Variants in EYA4 observed in about 807,000 individuals in gnomAD.
The protein encoded by EYA4 is EYA transcriptional coactivator and phosphatase 4.
A neutral mutation model predicts 87.9 loss-of-function variants in EYA4; 31 were observed. The observed-to-expected ratio is 0.35, with a 90% confidence interval of 0.27 to 0.48. The LOEUF (loss-of-function observed/expected upper bound fraction) is 0.48. Ranked by LOEUF, EYA4 falls within the 20% of genes least tolerant of loss-of-function variation. The pLI, the probability that EYA4 is intolerant of heterozygous loss-of-function variation, is 0.99. For missense variants in EYA4, 678 were observed against 761.4 expected (o/e 0.89, Z 1.29); for synonymous variants, 263 against 270.6 (o/e 0.97, Z 0.28).
intron 2 of EYA4, among the ~76,000 whole-genome samples, chr6:133,326,816 C>T (rs565360782): frequency 1.3e-5 from 2 of 152,244 alleles, no homozygotes; most frequent in African/African-American, 2.4e-5. Context: ...CTTTAAGTAC[C>T]GGTGACGTCG....
At chr6:133,434,457 G>A (rs12664324) in intron 3 of EYA4, among the ~76,000 whole-genome samples, 9,020 of 152,216 alleles carry the variant, frequency 0.059, 470 homozygotes, top group East Asian at 0.23. Flanking sequence ...TGCACTGTAG[G>A]CCAACCTTTG....
At chr6:133,504,879 A>G (rs1798456162) in intron 13 of EYA4, among the ~76,000 whole-genome samples, 2 of 152,162 alleles carry the variant, frequency 1.3e-5, no homozygotes, top group East Asian at 3.9e-4. Flanking sequence ...TTGAAATGCC[A>G]ACTATTAGAA....
At chr6:133,500,203 C>T (rs1003222202) in intron 13 of EYA4, among the ~76,000 whole-genome samples, 2 of 151,840 alleles carry the variant, frequency 1.3e-5, no homozygotes, top group African/African-American at 2.4e-5. Flanking sequence ...ATGACTGATG[C>T]GTGGACCCAC....
At chr6:133,439,523 G>A (rs1223671204) in intron 3 of EYA4, 1 of 152,210 alleles carries the variant, frequency 6.6e-6, no homozygotes, top group African/African-American at 2.4e-5. Context: ...AAAGGAAAAA[G>A]GCATATGGGG....
intron 1 of EYA4, among the ~76,000 whole-genome samples, chr6:133,244,593 A>G (rs183577913): frequency 1.5e-5 from 2 of 134,980 alleles, no homozygotes; most frequent in Admixed American, 1.5e-4. Flanking sequence ...TTTTGCTATA[A>G]TTTATTTTTT....
intron 3 of EYA4, among the ~76,000 whole-genome samples, chr6:133,421,474 TTGG>T (rs1250534216): frequency 6.6e-6 from 1 of 152,160 alleles, no homozygotes; most frequent in African/African-American, 2.4e-5. Context: ...TGCCTAAAAT[TTGG>T]TGATGATATG....
intron 2 of EYA4, among the ~76,000 whole-genome samples, chr6:133,277,449 A>C (rs1241153128): frequency 6.6e-6 from 1 of 152,160 alleles, no homozygotes; most frequent in East Asian, 1.9e-4. Context: ...ATGCTTTAAA[A>C]CCTTTGGGAA....
At chr6:133,461,311 C>A in intron 7 of EYA4, 131 bp downstream of exon 7, 1 of 731,620 alleles carries the variant, frequency 1.4e-6, no homozygotes, top group African/African-American at 1.7e-5. Context: ...GAAATGGAGA[C>A]ACCCACATGT....
chr6:133,483,990 G>A (rs1796478712), intron 13 of EYA4, among the ~76,000 whole-genome samples: 1 of 152,104 alleles, frequency 6.6e-6, no homozygotes. Flanking sequence ...CCTCCAAAGT[G>A]CTGGGATTAC....
chr6:133,286,496 T>C (rs1778071178), intron 2 of EYA4, among the ~76,000 whole-genome samples: 1 of 152,212 alleles, frequency 6.6e-6, no homozygotes. Context: ...GATGCTAGTT[T>C]ACATAGATAG....
chr6:133,291,201 G>C (rs1486251753), intron 2 of EYA4, among the ~76,000 whole-genome samples: 1 of 152,012 alleles, frequency 6.6e-6, no homozygotes, highest in African/African-American at 2.4e-5. Context: ...TGCATATTTG[G>C]GTTACTTCAT....
At chr6:133,426,992 C>G (rs1192449379) in intron 3 of EYA4, among the ~76,000 whole-genome samples, 1 of 152,156 alleles carries the variant, frequency 6.6e-6, no homozygotes, top group African/African-American at 2.4e-5. Flanking sequence ...CCCCCCTACC[C>G]TATACTAGAA....
intron 13 of EYA4, among the ~76,000 whole-genome samples, chr6:133,489,315 G>A (rs1796942050): frequency 6.6e-6 from 1 of 152,094 alleles, no homozygotes; most frequent in Non-Finnish European, 1.5e-5. Flanking sequence ...AGGAGATGGA[G>A]GGGTGGGGCT....
At chr6:133,292,580 T>C (rs1286029561) in intron 2 of EYA4, among the ~76,000 whole-genome samples, 5 of 152,208 alleles carry the variant, frequency 3.3e-5, no homozygotes, top group Non-Finnish European at 7.3e-5. Context: ...TCACATTGAA[T>C]GTATCAACAT....
intron 2 of EYA4, among the ~76,000 whole-genome samples, chr6:133,318,414 C>T (rs17062336): frequency 1.1e-4 from 17 of 152,096 alleles, no homozygotes; most frequent in African/African-American, 2.9e-4. Flanking sequence ...TGTGATTTGC[C>T]GGTGGAGGTA....
chr6:133,241,021 G>C (rs1380506331), upstream of EYA4, among the ~76,000 whole-genome samples: 2 of 151,530 alleles, frequency 1.3e-5, no homozygotes, highest in Non-Finnish European at 1.5e-5. Flanking sequence ...GGCTGCAGCC[G>C]CTCGAGTCGG....
At chr6:133,276,213 C>G (rs993634204) in intron 2 of EYA4, among the ~76,000 whole-genome samples, 2 of 152,088 alleles carry the variant, frequency 1.3e-5, no homozygotes, top group African/African-American at 4.8e-5. Flanking sequence ...GGGTCACATA[C>G]AAGTGTGTGT....
intron 1 of EYA4, among the ~76,000 whole-genome samples, chr6:133,263,950 A>G (rs1775998554): frequency 6.6e-6 from 1 of 152,190 alleles, no homozygotes; most frequent in Non-Finnish European, 1.5e-5. Context: ...GGCAGCTGCA[A>G]TTTTTAAATC....
chr6:133,353,150 C>G (rs1783765896), intron 2 of EYA4, among the ~76,000 whole-genome samples: 1 of 152,120 alleles, frequency 6.6e-6, no homozygotes, highest in Non-Finnish European at 1.5e-5. Context: ...ATGAAGATAA[C>G]TTTCCTGAAC....
Sources: allele counts gnomAD v4.1 joint callset (sites outside exome capture counted in the v4.1 genomes callset), GRCh38; gene constraint gnomAD v4.1.1; transcripts MANE v1.5; gene names NCBI Gene and HGNC (gene_info 2026-07-23, HGNC 2026-07-21).